Variants in SEMA6A observed in about 807,000 individuals in gnomAD.
The protein encoded by SEMA6A is semaphorin-6A.
In SEMA6A, 25 loss-of-function variants were observed where a neutral mutation model predicts 96.8. The observed-to-expected ratio is 0.26, with a 90% CI of 0.19 to 0.36. The LOEUF (loss-of-function observed/expected upper bound fraction) is 0.36. SEMA6A is among the 10% of genes least tolerant of loss of function. SEMA6A has a pLI of 1.00. For missense variants in SEMA6A, 1,363 were observed against 1,323.1 expected (o/e 1.03, Z -0.47); for synonymous variants, 612 against 518.0 (o/e 1.18, Z -2.46).
At chr5:116,476,920 CGA>C (rs1756479930) in intron 15 of SEMA6A, among the ~76,000 whole-genome samples, 1 of 152,164 alleles carries the variant, frequency 6.6e-6, no homozygotes, top group Non-Finnish European at 1.5e-5. Flanking sequence ...GCTCTGTTTA[CGA>C]GAGTACTTGT....
At chr5:116,467,832 CAAGCTGGCTGT>C (rs1383112065) in intron 17 of SEMA6A, 85 bp from the exon 18 acceptor site, 1 of 1,407,066 alleles carries the variant, frequency 7.1e-7, no homozygotes, top group Non-Finnish European at 9.7e-7. Context: ...GTGGGACACC[CAAGCTGGCTGT>C]AAGACTGAGA....
At chr5:116,462,825 A>G (rs145916906) in intron 18 of SEMA6A, among the ~76,000 whole-genome samples, 4 of 152,338 alleles carry the variant, frequency 2.6e-5, no homozygotes, top group African/African-American at 9.6e-5. Flanking sequence ...AACTTTGGTC[A>G]TTCAACTACC....
intron 1 of SEMA6A, among the ~76,000 whole-genome samples, chr5:116,507,872 T>G (rs1353282238): frequency 6.6e-6 from 1 of 152,200 alleles, no homozygotes; most frequent in Non-Finnish European, 1.5e-5. Flanking sequence ...TACTACAAAG[T>G]TATAATCCTA....
intron 18 of SEMA6A, among the ~76,000 whole-genome samples, chr5:116,463,674 T>C (rs1166357495): frequency 6.6e-6 from 1 of 152,262 alleles, no homozygotes; most frequent in Admixed American, 6.5e-5. Flanking sequence ...AATAATGTGA[T>C]AATATCTCAC....
chr5:116,532,022 C>A (rs927787137), intron 1 of SEMA6A, among the ~76,000 whole-genome samples: 2 of 152,120 alleles, frequency 1.3e-5, no homozygotes, highest in African/African-American at 4.8e-5. Context: ...GAATAAGAAC[C>A]CCTTCCCCTC....
In SEMA6A at chr5:116,478,570, C is replaced by G; in HGVS notation, c.1399G>C (p.Glu467Gln). ...TCAGAGTTGTAAACACTCATCTCCT[C>G]CAGGAAAAGGCTGTCATTTAGAAAA... ...SGFLNDSLFL[E>Q]EMSVYNSEKC... The change falls in exon 13 of 19, where the codon GAG (glutamate) becomes CAG (glutamine). Residue 467 changes from glutamate (E) to glutamine (Q), a missense_variant. Around this residue, in one of 2 missense-constraint regions of SEMA6A, gnomAD observed 883 missense variants for 763.6 expected, o/e 1.16. Coordinates refer to ENST00000343348, the MANE Select transcript of SEMA6A (RefSeq NM_020796.5). 6.2e-7 allele frequency: 1 copy of G among 1,612,552 alleles called. No individual in the cohort carries two copies. Among genetic ancestry groups the G allele is most frequent in the Non-Finnish European group, 8.5e-7 (1 of 1,179,370 alleles).
chr5:116,489,756 G>A (rs1194209269), intron 7 of SEMA6A, among the ~76,000 whole-genome samples: 1 of 152,222 alleles, frequency 6.6e-6, no homozygotes, highest in Non-Finnish European at 1.5e-5. Context: ...ATTGAGGGTA[G>A]ATCCCAGGCA....
At chr5:116,509,229 A>G (rs539478124) in intron 1 of SEMA6A, among the ~76,000 whole-genome samples, 48 of 152,324 alleles carry the variant, frequency 3.2e-4, no homozygotes, top group African/African-American at 1.1e-3. Context: ...AAAATAATAT[A>G]TCTGGATTTG....
chr5:116,481,109 T>C (rs1191599080), intron 11 of SEMA6A, among the ~76,000 whole-genome samples: 1 of 152,142 alleles, frequency 6.6e-6, no homozygotes, highest in Non-Finnish European at 1.5e-5. Flanking sequence ...GCCAGCCCCG[T>C]AGAGCATCCT....
chr5:116,487,110 A>C, intron 9 of SEMA6A, 144 bp from the exon 10 acceptor site: 1 of 624,742 alleles, frequency 1.6e-6, no homozygotes, highest in South Asian at 2.0e-5. Context: ...AAAAAAAAGA[A>C]AGAAAAGAAA....
At chr5:116,547,862 C>A (rs1175424794) in intron 1 of SEMA6A, among the ~76,000 whole-genome samples, 1 of 151,828 alleles carries the variant, frequency 6.6e-6, no homozygotes, top group Non-Finnish European at 1.5e-5. Flanking sequence ...TACTCAGATC[C>A]TTGCAATATG....
intron 18 of SEMA6A, among the ~76,000 whole-genome samples, chr5:116,455,639 T>C (rs1045246798): frequency 2.0e-5 from 3 of 152,204 alleles, no homozygotes; most frequent in African/African-American, 4.8e-5. Flanking sequence ...TTTGATTACT[T>C]GCTTTGAATT....
intron 1 of SEMA6A, among the ~76,000 whole-genome samples, chr5:116,513,368 C>A (rs1758509211): frequency 6.6e-6 from 1 of 152,140 alleles, no homozygotes; most frequent in African/African-American, 2.4e-5. Flanking sequence ...CTCAGGTGAT[C>A]TGCCCGCCTC....
intron 17 of SEMA6A, chr5:116,468,073 T>C (rs544564681): frequency 1.4e-5 from 4 of 287,702 alleles, no homozygotes; most frequent in African/African-American, 8.7e-5. Context: ...GGGAGGATAG[T>C]GACATAATGG....
At chr5:116,470,881 A>T (rs1178285287) in intron 17 of SEMA6A, among the ~76,000 whole-genome samples, 3 of 152,226 alleles carry the variant, frequency 2.0e-5, no homozygotes, top group Admixed American at 2.0e-4. Context: ...ATCCATGCTC[A>T]TACAATTAGC....
At chr5:116,500,444 A>G (rs955576737) in intron 3 of SEMA6A, among the ~76,000 whole-genome samples, 1 of 152,240 alleles carries the variant, frequency 6.6e-6, no homozygotes, top group African/African-American at 2.4e-5. Flanking sequence ...TGACATTCAT[A>G]AAGAATCTAC....
At chr5:116,547,954 C>G (rs1168594578) in intron 1 of SEMA6A, among the ~76,000 whole-genome samples, 1 of 152,142 alleles carries the variant, frequency 6.6e-6, no homozygotes, top group Non-Finnish European at 1.5e-5. Flanking sequence ...ACCTTATCCC[C>G]GGCCTCACAT....
intron 17 of SEMA6A, among the ~76,000 whole-genome samples, chr5:116,470,177 G>A (rs777309671): frequency 6.6e-6 from 1 of 152,000 alleles, no homozygotes; most frequent in Non-Finnish European, 1.5e-5. Context: ...ATTCAAAGAT[G>A]TGTTATTACC....
chr5:116,550,748 C>T (rs1416488118), intron 1 of SEMA6A: 2 of 152,184 alleles, frequency 1.3e-5, no homozygotes, highest in African/African-American at 4.8e-5. Flanking sequence ...TGAGAGAAAA[C>T]TTGGCTTTCT....
Sources: allele counts gnomAD v4.1 joint callset (sites outside exome capture counted in the v4.1 genomes callset), GRCh38; gene constraint gnomAD v4.1.1; regional missense constraint gnomAD v4.1.1; transcripts MANE v1.5; gene names NCBI Gene and HGNC (gene_info 2026-07-23, HGNC 2026-07-21).